Variants in PDZD2 observed in about 807,000 individuals in gnomAD.
PDZD2 encodes PDZ domain containing 2.
In PDZD2, 90 loss-of-function variants were observed where a neutral mutation model predicts 220.7. That is an observed-to-expected ratio of 0.41 (90% CI 0.34 to 0.49). The LOEUF is 0.49. Among genes scored for constraint, PDZD2 ranks in the 20% least tolerant of loss-of-function variants. The pLI, the probability that PDZD2 is intolerant of heterozygous loss-of-function variation, is 0.28. For synonymous variants in PDZD2, 1,375 were observed against 1,450.5 expected (o/e 0.95, Z 1.18); for missense variants, 3,174 against 3,608.5 (o/e 0.88, Z 3.08).
intron 23 of PDZD2, chr5:32,100,810 T>C (rs750884924): frequency 8.3e-7 from 1 of 1,206,912 alleles, no homozygotes; most frequent in African/African-American, 1.5e-5. Context: ...AAGAGCACTT[T>C]GCTTTCTGGG....
chr5:31,684,058 A>C (rs1157536656), intron 1 of PDZD2, among the ~76,000 whole-genome samples: 1 of 152,128 alleles, frequency 6.6e-6, no homozygotes, highest in African/African-American at 2.4e-5. Flanking sequence ...CCTCAACACC[A>C]GTTATCAAAG....
At chr5:31,848,562 A>C (rs1395960841) in intron 2 of PDZD2, among the ~76,000 whole-genome samples, 5 of 151,742 alleles carry the variant, frequency 3.3e-5, no homozygotes, top group Non-Finnish European at 7.4e-5. Context: ...CAGCCTGGCC[A>C]ACATGGTGAA....
At chr5:31,680,134 C>T (rs565821097) in intron 1 of PDZD2, among the ~76,000 whole-genome samples, 1 of 152,282 alleles carries the variant, frequency 6.6e-6, no homozygotes, top group Non-Finnish European at 1.5e-5. Context: ...TTCATTTGCT[C>T]TTTAATTCAT....
chr5:31,828,733 T>G (rs910662352), intron 2 of PDZD2, among the ~76,000 whole-genome samples: 4 of 152,236 alleles, frequency 2.6e-5, no homozygotes, highest in African/African-American at 9.6e-5. Flanking sequence ...ACTCCTGGCC[T>G]CAAGCCATCT....
intron 2 of PDZD2, among the ~76,000 whole-genome samples, chr5:31,812,455 C>T (rs181128568): frequency 2.6e-5 from 4 of 152,176 alleles, no homozygotes; most frequent in Non-Finnish European, 4.4e-5. Flanking sequence ...GGTTGATATA[C>T]AACCCTCTTT....
chr5:31,911,054 G>C (rs974378341), intron 2 of PDZD2, among the ~76,000 whole-genome samples: 11 of 152,128 alleles, frequency 7.2e-5, no homozygotes, highest in African/African-American at 2.7e-4. Flanking sequence ...ATTGAAAGAG[G>C]TTCATAATAT....
At chr5:31,995,528 CGT>C in intron 3 of PDZD2, 46 bp from the exon 4 acceptor site, 3 of 1,609,432 alleles carry the variant, frequency 1.9e-6, no homozygotes, top group Non-Finnish European at 2.6e-6. Flanking sequence ...GTGTCAATGC[CGT>C]GTGTCTGTCA....
intron 2 of PDZD2, among the ~76,000 whole-genome samples, chr5:31,977,419 TA>T (rs1410904178): frequency 6.6e-6 from 1 of 152,170 alleles, no homozygotes; most frequent in Admixed American, 6.5e-5. Context: ...CATCTCCCTG[TA>T]TTTGGCCCTC....
intron 1 of PDZD2, among the ~76,000 whole-genome samples, chr5:31,736,865 T>G (rs1251622058): frequency 6.6e-6 from 1 of 152,124 alleles, no homozygotes; most frequent in Non-Finnish European, 1.5e-5. Context: ...GGATCTGAGA[T>G]CTGGTGGTTT....
chr5:31,915,473 G>A (rs1371550379), intron 2 of PDZD2, among the ~76,000 whole-genome samples: 2 of 152,056 alleles, frequency 1.3e-5, no homozygotes, highest in East Asian at 1.9e-4. Flanking sequence ...TTTGTCTTGC[G>A]TCCAGACATT....
At chr5:32,100,960 A>ATAAG in intron 23 of PDZD2, 145 bp from the exon 24 acceptor site, 6 of 1,602,384 alleles carry the variant, frequency 3.7e-6, no homozygotes, top group Admixed American at 1.7e-5. Flanking sequence ...AAGTGCTGTT[A>ATAAG]TAAGTAAGTA....
chr5:31,975,252 T>C (rs1195221656), intron 2 of PDZD2, among the ~76,000 whole-genome samples: 1 of 152,156 alleles, frequency 6.6e-6, no homozygotes, highest in Non-Finnish European at 1.5e-5. Context: ...ACAATCATGG[T>C]AGAAGGCAAA....
Position 32,089,188 on chromosome 5 carries a change from A to G in PDZD2, c.5740A>G (p.Arg1914Gly), listed in dbSNP as rs1253677787. ...TGTGAAGGCTGGGGGGACGGACCAC[A>G]GGAAACCCTTGATCTCACCCCAGAC... ...NAVKAGGTDHRKPLISPQTSH... is the reference protein window; with the variant it reads ...NAVKAGGTDHGKPLISPQTSH... Residue 1914 changes from arginine (R) to glycine (G), a missense_variant, in exon 20 of 25, where the codon AGG (arginine) becomes GGG (glycine). Coordinates refer to ENST00000438447, the MANE Select transcript of PDZD2 (RefSeq NM_178140.4). The G allele has an allele frequency of 6.2e-7, 1 of 1,614,154 alleles. No individual in the cohort carries two copies.
intron 2 of PDZD2, 92 bp downstream of exon 2, chr5:31,799,816 C>A: frequency 1.3e-6 from 1 of 787,546 alleles, no homozygotes; most frequent in Non-Finnish European, 2.2e-6. Flanking sequence ...TGAATCCTGC[C>A]AATAAGAAGC....
chr5:31,665,644 T>TCCCCCCCCC (rs5867091), intron 1 of PDZD2, among the ~76,000 whole-genome samples: 4 of 119,080 alleles, frequency 3.4e-5, no homozygotes, highest in South Asian at 2.9e-4. Context: ...AAGTTCCCCC[T>TCCCCCCCCC]CCCCCCCCTC....
intron 14 of PDZD2, 109 bp downstream of exon 14, chr5:32,061,243 A>G: frequency 1.0e-6 from 1 of 972,902 alleles, no homozygotes; most frequent in Non-Finnish European, 1.6e-6. Context: ...CAGGCAACCT[A>G]CGGGTGGTTC....
Position 31,995,664 on chromosome 5 carries a change from G to A in PDZD2, c.1067G>A (p.Arg356His), listed in dbSNP as rs569999535. 1.2e-6 allele frequency: 2 copies of A among 1,614,036 alleles called. No homozygotes were observed. The highest frequency in any genetic ancestry group is 2.2e-5 in the East Asian group (1 of 44,872). Residue 356 changes from arginine (R) to histidine (H), a missense_variant, in exon 4 of 25, where the codon CGC (arginine) becomes CAC (histidine). This residue lies in a region of PDZD2 where 632 missense variants were observed against 708.1 expected (regional missense o/e 0.89). Transcript: ENST00000438447. The part of the protein sequence containing the change: ...IQVSGGRGSK[R>H]SPHAIVVTQV... ...GTTAGTGGAGGCCGAGGATCAAAGC[G>A]CTCACCTCACGCTATCGTTGTCACT...
chr5:32,053,974 C>T (rs1295564709), intron 10 of PDZD2, 91 bp downstream of exon 10: 1 of 756,182 alleles, frequency 1.3e-6, no homozygotes. Context: ...TGCCACAGTA[C>T]CTAGTAGACC....
chr5:31,743,162 G>A (rs922654752), intron 1 of PDZD2, among the ~76,000 whole-genome samples: 2 of 151,240 alleles, frequency 1.3e-5, no homozygotes, highest in African/African-American at 4.9e-5. Context: ...TTCATATTAG[G>A]TTATATTCTT....
Sources: gnomAD v4.1 joint callset for allele counts (sites outside exome capture counted in the v4.1 genomes callset) on GRCh38, gnomAD v4.1.1 for gene constraint, gnomAD v4.1.1 regional missense constraint, MANE v1.5 for transcripts, NCBI Gene and HGNC (gene_info 2026-07-23, HGNC 2026-07-21) for gene names.